The following SLC35F4 variants were observed in gnomAD, a reference collection of about 807,000 sequenced individuals.
SLC35F4 encodes the protein chromosome 14 open reading frame 36.
Under a neutral mutation model 44.2 loss-of-function variants are expected in SLC35F4, and 24 were observed. That is an observed-to-expected ratio of 0.54 (90% confidence interval 0.39 to 0.76). The LOEUF (loss-of-function observed/expected upper bound fraction) is 0.76. Ranked by LOEUF, SLC35F4 falls within the 30% of genes least tolerant of loss-of-function variation. The pLI, the probability that SLC35F4 is intolerant of heterozygous loss-of-function variation, is 0.00. For missense variants in SLC35F4, 562 were observed against 586.1 expected (o/e 0.96, Z 0.42); for synonymous variants, 238 against 223.6 (o/e 1.06, Z -0.57).
chr14:57,852,887 G>A (rs28568931), intron 1 of SLC35F4, among the ~76,000 whole-genome samples: 9,616 of 152,218 alleles, frequency 0.063, 365 homozygotes, highest in African/African-American at 0.1. Context: ...TGCTTCACAA[G>A]GCATAAAGAA....
chr14:57,891,450 T>A (rs1383536754), intron 1 of SLC35F4, among the ~76,000 whole-genome samples: 1 of 152,056 alleles, frequency 6.6e-6, no homozygotes, highest in Non-Finnish European at 1.5e-5. Context: ...GGAGTCCAGA[T>A]TAGGCAACAT....
Position 57,859,509 on chromosome 14 carries a change from G to A in SLC35F4, c.103+6214C>T, listed in dbSNP as rs796894164. Among the ~76,000 whole-genome samples the A allele has an allele frequency of 3.3e-5, 5 of 152,318 alleles. 1 individual carries two copies. The highest frequency in any genetic ancestry group is 1.2e-4 in the African/African-American group (5 of 41,558). Reference sequence around the variant, plus strand: ...AATTAGAGGATTGTGGTGTAGGGGGGAGAAATGTGTGCTAAAATAGAACAA... The same window carrying A: ...AATTAGAGGATTGTGGTGTAGGGGGAAGAAATGTGTGCTAAAATAGAACAA... On this transcript the variant is annotated intron_variant, in intron 1 of 7. Coordinates refer to ENST00000556826, the MANE Select transcript of SLC35F4 (RefSeq NM_001306087.2).
In SLC35F4 at chr14:57,891,478, T is replaced by TTA. The variant is rs200831792; in HGVS notation, n.282+90433_282+90434dup. On this transcript the variant is annotated intron_variant and non_coding_transcript_variant, in intron 1 of 1. Coordinates refer to the SLC35F4 transcript ENST00000556568. ...GGCAACATAGCAAGACCCCCAAATC[T>TTA]TATATATATATATATTTGGAAAAGC... is the stretch of plus-strand genomic sequence containing the variant. Among the ~76,000 whole-genome samples the TTA allele has an allele frequency of 2.0e-3, 297 of 150,892 alleles. 2 individuals carry two copies. The highest frequency in any genetic ancestry group is 2.9e-3 in the Non-Finnish European group (198 of 67,620).
At chr14:57,939,098 G>A (rs540209349) in intron 1 of SLC35F4, among the ~76,000 whole-genome samples, 60 of 152,032 alleles carry the variant, frequency 3.9e-4, no homozygotes, top group African/African-American at 1.3e-3. Context: ...CTTTCCCCCC[G>A]AGAGGGAGAG....
rs550501644 is a variant in SLC35F4 at position 57,753,492 on chromosome 14, TA to T, written c.103+112230del. On this transcript the variant is annotated intron_variant, in intron 1 of 7. Coordinates refer to ENST00000556826, the MANE Select transcript of SLC35F4 (RefSeq NM_001306087.2). ...GAGTATGGGGGAGGGGTTTCCTAGA[TA>T]CCTCACACCATGGTCTTTTCAAACC... 5.9e-5 allele frequency among the ~76,000 whole-genome samples: 9 copies of T among 152,236 alleles called. No homozygotes were observed. In the South Asian group the frequency reaches 8.3e-4, roughly 14 times the overall value.
intron 1 of SLC35F4, among the ~76,000 whole-genome samples, chr14:57,619,715 T>C (rs1205461471): frequency 1.3e-5 from 2 of 152,082 alleles, no homozygotes; most frequent in African/African-American, 4.8e-5. Context: ...GAAGTAGGCT[T>C]CAGAAGGTGG....
intron 1 of SLC35F4, among the ~76,000 whole-genome samples, chr14:57,820,480 A>G (rs868816899): frequency 3.3e-5 from 5 of 152,360 alleles, no homozygotes; most frequent in Middle Eastern, 6.8e-3. Flanking sequence ...GTATAAGCCA[A>G]TGCAAGACAC....
rs373339951 is a variant in SLC35F4, at chr14:57,895,581, A to ACTCTCTCT, written n.282+86324_282+86331dup. ...CTTACCCCTTCTCTCTCGCTCTCTC[A>ACTCTCTCT]CTCTCTCTCTCTCTCTCTCTCTGTC... On this transcript the variant is annotated intron_variant and non_coding_transcript_variant, in intron 1 of 1. Transcript: ENST00000556568. Among the ~76,000 whole-genome samples the ACTCTCTCT allele has an allele frequency of 2.1e-3, 280 of 131,832 alleles. 2 individuals carry two copies. The highest frequency in any genetic ancestry group is 0.012 in the Middle Eastern group (3 of 252). The allele number at this position is 131,832 out of a possible 152,430, so 86.5% of individuals were successfully genotyped here. A position where few individuals can be genotyped will look rare whatever the true frequency, so the allele number is the denominator to read the frequency against.
chr14:57,807,834 T>A lies in SLC35F4; in HGVS notation c.103+57889A>T, dbSNP rs149616773. ...TAATAAAGACATACCTGAGACTGGG[T>A]AATTTATAAAGAAAAAGTGGCTTAA... On this transcript the variant is annotated intron_variant, in intron 1 of 7. Transcript: ENST00000556826. Among the ~76,000 whole-genome samples, 42 of 151,984 alleles carry A rather than the reference T, an allele frequency of 2.8e-4. 5 individuals are homozygous for A. Among genetic ancestry groups the A allele is most frequent in the African/African-American group, 9.7e-4 (40 of 41,268 alleles).
intron 1 of SLC35F4, among the ~76,000 whole-genome samples, chr14:57,768,097 C>CA (rs996607580): frequency 1.2e-4 from 18 of 151,916 alleles, no homozygotes; most frequent in Non-Finnish European, 2.4e-4. Context: ...TAATCTCTTC[C>CA]AAAAAAATAG....
At chr14:57,573,273 C>G (rs1156790978) in intron 4 of SLC35F4, among the ~76,000 whole-genome samples, 1 of 152,154 alleles carries the variant, frequency 6.6e-6, no homozygotes, top group Non-Finnish European at 1.5e-5. Flanking sequence ...CAAGGGCCCA[C>G]TTGGTTTCAG....
At chr14:57,604,162 T>C (rs150794507) in intron 1 of SLC35F4, 1 of 152,278 alleles carries the variant, frequency 6.6e-6, no homozygotes, top group East Asian at 1.9e-4. Context: ...TGCACCAACA[T>C]CACTTCTCTT....
At position 57,564,307 on chromosome 14, in the gene SLC35F4, A is replaced by G. The variant is rs1006717350; in HGVS notation, c.1286T>C (p.Ile429Thr). Residue 429 changes from isoleucine to threonine, a missense_variant, in exon 8 of 8, where the codon ATT becomes ACT. By Grantham distance (89) the Ile-to-Thr change is moderately conservative. Coordinates refer to ENST00000556826, the MANE Select transcript of SLC35F4 (RefSeq NM_001306087.2). The part of the protein sequence containing the change: ...VRLAATIIIC[I>T]GFLLMLLPEE... ...AGGCAACAGCATCAGCAGAAACCCA[A>G]TGCAGATGATGATGGTAGCAGCCAG... The G allele has an allele frequency of 1.6e-5, 25 of 1,612,364 alleles. No individual in the cohort carries two copies. Among genetic ancestry groups the G allele is most frequent in the East Asian group, 1.1e-4 (5 of 44,822 alleles).
At chr14:57,754,877 T>C (rs2076960639) in intron 1 of SLC35F4, among the ~76,000 whole-genome samples, 1 of 152,212 alleles carries the variant, frequency 6.6e-6, no homozygotes. Flanking sequence ...CTTCTCTGAC[T>C]GAAGCCCAGA....
intron 1 of SLC35F4, among the ~76,000 whole-genome samples, chr14:57,814,664 A>G (rs1451695561): frequency 6.6e-6 from 1 of 152,200 alleles, no homozygotes; most frequent in Non-Finnish European, 1.5e-5. Context: ...AAGTTGCTGC[A>G]ATGTGTGCCA....
intron 1 of SLC35F4, among the ~76,000 whole-genome samples, chr14:57,968,856 G>C (rs1168434077): frequency 6.6e-6 from 1 of 152,178 alleles, no homozygotes; most frequent in Non-Finnish European, 1.5e-5. Context: ...TGAAATGTCA[G>C]AAATATTAGC....
chr14:57,893,186 AC>A (rs1888805424), intron 1 of SLC35F4, among the ~76,000 whole-genome samples: 1 of 152,168 alleles, frequency 6.6e-6, no homozygotes, highest in South Asian at 2.1e-4. Context: ...CTGCCAAGGC[AC>A]CTTGGAAAAA....
intron 1 of SLC35F4, among the ~76,000 whole-genome samples, chr14:57,803,582 CTTTT>C (rs532690276): frequency 2.5e-5 from 2 of 79,458 alleles, no homozygotes; most frequent in Non-Finnish European, 4.5e-5. Context: ...AAAGCTTCTT[CTTTT>C]TTTTTTTTTT....
chr14:57,753,926 GCT>G (rs2076940437), intron 1 of SLC35F4, among the ~76,000 whole-genome samples: 1 of 151,952 alleles, frequency 6.6e-6, no homozygotes, highest in African/African-American at 2.4e-5. Context: ...TTGAAAGAAA[GCT>G]CTCTGTCCCC....
Sources: gnomAD v4.1 joint callset for allele counts (sites outside exome capture counted in the v4.1 genomes callset) on GRCh38, gnomAD v4.1.1 for gene constraint, MANE v1.5 for transcripts, NCBI Gene and HGNC (gene_info 2026-07-23, HGNC 2026-07-21) for gene names.